The following SAMD12 variants were observed in gnomAD, a reference collection of about 807,000 sequenced individuals.
The protein encoded by SAMD12 is sterile alpha motif domain containing 12.
A neutral mutation model predicts 15.0 loss-of-function variants in SAMD12; 9 were observed. That is an observed-to-expected ratio of 0.60 (90% CI 0.36 to 1.05). The LOEUF is 1.05. Ranked by LOEUF, SAMD12 falls within the 50% of genes least tolerant of loss-of-function variation. The probability of loss-of-function intolerance (pLI) is 0.01; values close to 1 mark genes in which losing one functional copy is unlikely to be tolerated. For missense variants in SAMD12, 230 were observed against 234.2 expected, an observed-to-expected ratio of 0.98 and a Z score of 0.12; for synonymous variants, 86 against 90.1, an observed-to-expected ratio of 0.96 and a Z score of 0.25.
chr8:118,297,578 G>A (rs1278860277), intron 4 of SAMD12, among the ~76,000 whole-genome samples: 1 of 152,122 alleles, frequency 6.6e-6, no homozygotes, highest in Non-Finnish European at 1.5e-5. Flanking sequence ...TAAAATGAAT[G>A]CCAATTAAAA....
chr8:118,180,052 C>T, the SAMD12 span, among the ~76,000 whole-genome samples: 1 of 152,198 alleles, frequency 6.6e-6, no homozygotes, highest in Admixed American at 6.5e-5. Flanking sequence ...GCTGGTGCTC[C>T]CTCGGCCGGA....
intron 2 of SAMD12, among the ~76,000 whole-genome samples, chr8:118,562,935 G>A (rs1281799429): frequency 6.6e-6 from 1 of 152,030 alleles, no homozygotes; most frequent in African/African-American, 2.4e-5. Flanking sequence ...GCCAAGGAGG[G>A]GAATGATAGA....
At chr8:118,618,770 C>G (rs1172803281) in intron 1 of SAMD12, among the ~76,000 whole-genome samples, 1 of 148,694 alleles carries the variant, frequency 6.7e-6, no homozygotes, top group African/African-American at 2.5e-5. Context: ...ACCCGGGAGG[C>G]GGAGCTTGCA....
intron 4 of SAMD12, among the ~76,000 whole-genome samples, chr8:118,249,887 A>C (rs1812780402): frequency 6.6e-6 from 1 of 152,176 alleles, no homozygotes; most frequent in Admixed American, 6.5e-5. Context: ...GAAGGCATTA[A>C]GTAAGATCCA....
At chr8:118,415,364 C>G (rs2130825493) in intron 3 of SAMD12, among the ~76,000 whole-genome samples, 1 of 152,020 alleles carries the variant, frequency 6.6e-6, no homozygotes, top group African/African-American at 2.4e-5. Context: ...ACCATGCGAA[C>G]CCTGTTGTAG....
chr8:118,343,284 T>C (rs1191170150), intron 4 of SAMD12, among the ~76,000 whole-genome samples: 1 of 152,078 alleles, frequency 6.6e-6, no homozygotes, highest in Non-Finnish European at 1.5e-5. Context: ...CAGGGATCTC[T>C]TTCTCTTCCT....
chr8:118,136,015 TG>T, the SAMD12 span, among the ~76,000 whole-genome samples: 7 of 152,038 alleles, frequency 4.6e-5, no homozygotes, highest in South Asian at 1.2e-3. Flanking sequence ...AAACTTTATC[TG>T]GCTTCTTTGT....
At chr8:118,282,870 ATGTATACATATGTAT>A (rs1322833047) in intron 4 of SAMD12, among the ~76,000 whole-genome samples, 1 of 152,090 alleles carries the variant, frequency 6.6e-6, no homozygotes, top group Non-Finnish European at 1.5e-5. Flanking sequence ...GTGTAGCTGT[ATGTATACATATGTAT>A]TTATTTATAT....
At chr8:118,225,759 A>G (rs1264561686) in intron 4 of SAMD12, among the ~76,000 whole-genome samples, 1 of 152,206 alleles carries the variant, frequency 6.6e-6, no homozygotes, top group Admixed American at 6.5e-5. Flanking sequence ...TTACAGTTCA[A>G]TTCATATGCA....
At chr8:118,351,848 C>A (rs147827729) in intron 4 of SAMD12, among the ~76,000 whole-genome samples, 114 of 152,306 alleles carry the variant, frequency 7.5e-4, no homozygotes, top group African/African-American at 2.7e-3. Context: ...AAAATGAGAG[C>A]AGATTGTCTG....
chr8:118,216,989 G>A (rs1329198453), intron 4 of SAMD12, among the ~76,000 whole-genome samples: 2 of 152,096 alleles, frequency 1.3e-5, no homozygotes, highest in African/African-American at 4.8e-5. Context: ...TTAGGCCCTT[G>A]TGGTGTCTTC....
chr8:118,394,960 T>C (rs1372878032), intron 3 of SAMD12: 2 of 152,198 alleles, frequency 1.3e-5, no homozygotes, highest in African/African-American at 4.8e-5. Flanking sequence ...GGAGTCTGCT[T>C]GGGTGCAAAT....
chr8:118,543,631 C>CTTTTTTTTTCTTTTTTTTT (rs1388816858), intron 2 of SAMD12, among the ~76,000 whole-genome samples: 3 of 116,632 alleles, frequency 2.6e-5, no homozygotes, highest in African/African-American at 7.3e-5. Flanking sequence ...TTCTTTCTTT[C>CTTTTTTTTTCTTTTTTTTT]TTTTTTTTTT....
chr8:118,316,807 T>TA (rs34402286), intron 4 of SAMD12, among the ~76,000 whole-genome samples: 12 of 143,820 alleles, frequency 8.3e-5, no homozygotes, highest in South Asian at 2.2e-4. Context: ...CCTGGCTAAT[T>TA]AAAAAAAAGT....
intron 4 of SAMD12, among the ~76,000 whole-genome samples, chr8:118,349,856 TG>T (rs1817867567): frequency 6.6e-6 from 1 of 152,186 alleles, no homozygotes; most frequent in Non-Finnish European, 1.5e-5. Context: ...TGCTGGGCAC[TG>T]TGCCTCACAC....
intron 4 of SAMD12, among the ~76,000 whole-genome samples, chr8:118,352,754 T>C (rs1049507237): frequency 8.5e-5 from 13 of 152,212 alleles, no homozygotes; most frequent in Non-Finnish European, 1.9e-4. Context: ...GAGCATTTTA[T>C]TGACTTGTCT....
At chr8:118,332,222 C>T (rs1428175861) in intron 4 of SAMD12, among the ~76,000 whole-genome samples, 1 of 152,170 alleles carries the variant, frequency 6.6e-6, no homozygotes, top group East Asian at 1.9e-4. Context: ...TATTAACAGT[C>T]ATTTCTATGT....
chr8:118,361,619 G>A (rs562178206), intron 4 of SAMD12, among the ~76,000 whole-genome samples: 46 of 152,234 alleles, frequency 3.0e-4, no homozygotes, highest in African/African-American at 1.1e-3. Flanking sequence ...CTTTCTTAAA[G>A]TACTAAGGCA....
chr8:118,340,377 A>G (rs1005504635), intron 4 of SAMD12, among the ~76,000 whole-genome samples: 23 of 152,084 alleles, frequency 1.5e-4, no homozygotes, highest in Admixed American at 5.9e-4. Context: ...TCAAGTAGAC[A>G]TTTTATTTGC....
Sources: gnomAD v4.1 joint callset for allele counts (sites outside exome capture counted in the v4.1 genomes callset) on GRCh38, gnomAD v4.1.1 for gene constraint, MANE v1.5 for transcripts, NCBI Gene and HGNC (gene_info 2026-07-23, HGNC 2026-07-21) for gene names.